Variants in GABARAPL2 observed in about 807,000 individuals in gnomAD.
The protein encoded by GABARAPL2 is gamma-aminobutyric acid receptor-associated protein-like 2.
Under a neutral mutation model 16.9 loss-of-function variants are expected in GABARAPL2, and 11 were observed. The observed-to-expected ratio is 0.65, with a 90% confidence interval of 0.41 to 1.08. The LOEUF is 1.08. Ranked by LOEUF, GABARAPL2 falls within the 50% of genes least tolerant of loss-of-function variation. The pLI, the probability that GABARAPL2 is intolerant of heterozygous loss-of-function variation, is 0.00. For missense variants in GABARAPL2, 134 were observed against 142.5 expected, an observed-to-expected ratio of 0.94 and a Z score of 0.30; for synonymous variants, 57 against 50.7, an observed-to-expected ratio of 1.12 and a Z score of -0.53.
chr16:75,574,976 G>C (rs1300245906), intron 3 of GABARAPL2, among the ~76,000 whole-genome samples: 1 of 152,030 alleles, frequency 6.6e-6, no homozygotes, highest in African/African-American at 2.4e-5. Context: ...AGGTTGCAGT[G>C]AACCGAGATC....
In GABARAPL2 at chr16:75,566,438, T is replaced by C. The variant is rs1453978255; in HGVS notation, c.-49T>C. The C allele has an allele frequency of 7.1e-7, 1 of 1,417,238 alleles. No individual in the cohort carries two copies. The highest frequency in any genetic ancestry group is 2.0e-4 in the Middle Eastern group (1 of 5,038). 87.8% of individuals were successfully genotyped at this position (1,417,238 alleles called of 1,614,324 possible). ...GTCGTTGTTGTTGTGCTCGGTGCGC[T>C]GAGCTCCGCGGCTCCGCGAGCCGGT... On this transcript the variant is annotated 5_prime_UTR_variant, in exon 1 of 4. Coordinates refer to ENST00000037243, the MANE Select transcript of GABARAPL2 (RefSeq NM_007285.7).
Position 75,568,136 on chromosome 16 carries a change from A to G in GABARAPL2, c.190A>G (p.Ile64Val). Residue 64 changes from isoleucine (I) to valine (V), a missense_variant, in exon 3 of 4, where the codon ATC becomes GTC. Coordinates refer to ENST00000037243, the MANE Select transcript of GABARAPL2 (RefSeq NM_007285.7). ...DITVAQFMWIIRKRIQLPSEK... is the reference protein window; with the variant it reads ...DITVAQFMWIVRKRIQLPSEK... ...CACTGTGGCTCAGTTCATGTGGATC[A>G]TCAGGAAAAGGATCCAGCTTCCTTC... The G allele has an allele frequency of 6.2e-7, 1 of 1,612,876 alleles. No individual in the cohort carries two copies. The highest frequency in any genetic ancestry group is 8.5e-7 in the Non-Finnish European group (1 of 1,178,814).
At position 75,567,885 on chromosome 16, in the gene GABARAPL2, C is replaced by T. The variant is rs1397853394; in HGVS notation, c.91-152C>T. 1.1e-5 allele frequency: 6 copies of T among 557,340 alleles called. 1 individual carries two copies. The highest frequency in any genetic ancestry group is 8.1e-5 in the East Asian group (3 of 36,840). 34.5% of individuals were successfully genotyped at this position (557,340 alleles called of 1,614,324 possible). A position where few individuals can be genotyped will look rare whatever the true frequency, so the allele number is the denominator to read the frequency against. ...TTATATCAATTCTTAACCTCCAGAG[C>T]GTGTGGTTTATTAAGCCAAAGACAT... On this transcript the variant is annotated intron_variant, in intron 2 of 3. Coordinates refer to ENST00000037243, the MANE Select transcript of GABARAPL2 (RefSeq NM_007285.7).
chr16:75,571,891 G>C lies in GABARAPL2; in HGVS notation c.263+3682G>C, dbSNP rs544216085. On this transcript the variant is annotated intron_variant, in intron 3 of 3. Coordinates refer to ENST00000037243, the MANE Select transcript of GABARAPL2 (RefSeq NM_007285.7). ...CGGGTTTTACCATGTTGGCCAGGCTGGTCTCTTAACTCCTGACCTCAGGTG... is the reference window on the plus strand; with the variant it reads ...CGGGTTTTACCATGTTGGCCAGGCTCGTCTCTTAACTCCTGACCTCAGGTG... Among the ~76,000 whole-genome samples, 3 of 152,154 alleles carry C rather than the reference G, an allele frequency of 2.0e-5. No homozygotes were observed. In the East Asian group the frequency reaches 5.8e-4, roughly 29 times the overall value.
intron 3 of GABARAPL2, among the ~76,000 whole-genome samples, chr16:75,573,876 G>T (rs2080931147): frequency 6.6e-6 from 1 of 152,142 alleles, no homozygotes; most frequent in African/African-American, 2.4e-5. Flanking sequence ...TTCCTATCTA[G>T]GAACTATGGA....
At chr16:75,567,421 AATGTT>A (rs1345454405) in intron 2 of GABARAPL2, among the ~76,000 whole-genome samples, 2 of 152,338 alleles carry the variant, frequency 1.3e-5, no homozygotes. Flanking sequence ...TAATAAATAT[AATGTT>A]ATATTTCTTC....
At chr16:75,567,956 T>A (rs1289833602) in intron 2 of GABARAPL2, 81 bp from the exon 3 acceptor site, 2 of 1,084,816 alleles carry the variant, frequency 1.8e-6, no homozygotes, top group South Asian at 1.5e-5. Flanking sequence ...TTGCCCACAC[T>A]CTGTTCATCA....
chr16:75,566,586 CGGGCGGCCCTGGGCCGAGTGGAGCG>C (rs1380003912), intron 1 of GABARAPL2, 66 bp downstream of exon 1: 9 of 1,570,992 alleles, frequency 5.7e-6, no homozygotes, highest in African/African-American at 2.7e-5. Flanking sequence ...CTCCCCCACT[CGGGCGGCCCTGGGCCGAGTGGAGCG>C]GGGCGGATGC....
intron 3 of GABARAPL2, among the ~76,000 whole-genome samples, chr16:75,573,148 G>A (rs1167722516): frequency 6.6e-6 from 1 of 152,246 alleles, no homozygotes; most frequent in African/African-American, 2.4e-5. Flanking sequence ...AGAGGTTTAT[G>A]GAATGTGTCC....
chr16:75,569,280 G>C (rs530290063), intron 3 of GABARAPL2, among the ~76,000 whole-genome samples: 1 of 152,212 alleles, frequency 6.6e-6, no homozygotes, highest in Non-Finnish European at 1.5e-5. Flanking sequence ...AAAGGCAGGG[G>C]AGAAATGGAA....
intron 3 of GABARAPL2, 25 bp from the exon 4 acceptor site, chr16:75,577,254 G>T: frequency 6.9e-7 from 1 of 1,458,770 alleles, no homozygotes; most frequent in Non-Finnish European, 9.6e-7. Flanking sequence ...AATTTTCAAT[G>T]ACGTTTTTGT....
Position 75,577,662 on chromosome 16 carries a change from G to A in GABARAPL2, c.*293G>A, listed in dbSNP as rs771756588. The A allele has an allele frequency of 4.3e-5, 11 of 255,200 alleles. No individual in the cohort carries two copies. The East Asian group carries it at 5.6e-4, about 13-fold the overall frequency. 15.8% of individuals were successfully genotyped at this position (255,200 alleles called of 1,614,324 possible). ...TTCTATATCGAAGTGAGGTAGGTGC[G>A]GTATTAAAGTGAAAGGGAAGGTGAT... On this transcript the variant is annotated 3_prime_UTR_variant, in exon 4 of 4. Coordinates refer to ENST00000037243, the MANE Select transcript of GABARAPL2 (RefSeq NM_007285.7).
intron 3 of GABARAPL2, among the ~76,000 whole-genome samples, chr16:75,570,655 G>A (rs889435341): frequency 6.6e-5 from 10 of 152,132 alleles, no homozygotes; most frequent in African/African-American, 1.4e-4. Context: ...GAAAACAGGC[G>A]GTCACCATGT....
intron 3 of GABARAPL2, chr16:75,576,927 T>C (rs1391333616): frequency 3.6e-5 from 7 of 192,798 alleles, no homozygotes; most frequent in Non-Finnish European, 7.5e-5. Flanking sequence ...TCTTCTTTGC[T>C]AGGGTCCTTT....
chr16:75,574,102 T>C (rs939613834), intron 3 of GABARAPL2, among the ~76,000 whole-genome samples: 7 of 152,216 alleles, frequency 4.6e-5, no homozygotes, highest in East Asian at 1.9e-4. Flanking sequence ...AGCCACATGA[T>C]TGTGGGCCTC....
chr16:75,566,758 G>A, intron 1 of GABARAPL2, 94 bp from the exon 2 acceptor site: 4 of 1,252,072 alleles, frequency 3.2e-6, no homozygotes, highest in Non-Finnish European at 4.7e-6. Context: ...ACCAGGGCCT[G>A]GGTTGTACGC....
chr16:75,571,837 G>A (rs2080916496), intron 3 of GABARAPL2, among the ~76,000 whole-genome samples: 1 of 151,426 alleles, frequency 6.6e-6, no homozygotes, highest in African/African-American at 2.4e-5. Context: ...CACCACGCCC[G>A]GCTACTTTTT....
At chr16:75,571,477 G>A (rs1390352465) in intron 3 of GABARAPL2, among the ~76,000 whole-genome samples, 1 of 152,152 alleles carries the variant, frequency 6.6e-6, no homozygotes, top group Non-Finnish European at 1.5e-5. Flanking sequence ...TTTCCATTCT[G>A]CTGAGAATCC....
chr16:75,567,075 G>C (rs933911362), intron 2 of GABARAPL2, among the ~76,000 whole-genome samples, 168 bp downstream of exon 2: 2 of 152,206 alleles, frequency 1.3e-5, no homozygotes, highest in Non-Finnish European at 2.9e-5. Flanking sequence ...TGAGGGGCTC[G>C]GGCTGGTGCT....
Sources: gnomAD v4.1 joint callset for allele counts (sites outside exome capture counted in the v4.1 genomes callset) on GRCh38, gnomAD v4.1.1 for gene constraint, MANE v1.5 for transcripts, NCBI Gene and HGNC (gene_info 2026-07-23, HGNC 2026-07-21) for gene names.